NEO1: variants seen among roughly 807,000 people sequenced by gnomAD.
NEO1 encodes neogenin.
Under a neutral mutation model 159.7 loss-of-function variants are expected in NEO1, and 63 were observed. The ratio of observed to expected loss-of-function variants is 0.39; its 90% CI spans 0.32 to 0.49. NEO1 has a LOEUF of 0.49. Ranked by LOEUF, NEO1 falls within the 20% of genes least tolerant of loss-of-function variation. The probability of loss-of-function intolerance (pLI) is 0.85; values close to 1 mark genes in which losing one functional copy is unlikely to be tolerated. For synonymous variants in NEO1, 633 were observed against 662.0 expected (o/e 0.96, Z 0.67); for missense variants, 1,615 against 1,831.0 (o/e 0.88, Z 2.15).
chr15:73,097,580 G>A (rs912106237), intron 1 of NEO1, among the ~76,000 whole-genome samples: 16 of 151,580 alleles, frequency 1.1e-4, no homozygotes, highest in African/African-American at 3.2e-4. Flanking sequence ...AGGCTGGTCC[G>A]GAACTCCTGA....
intron 8 of NEO1, 43 bp downstream of exon 8, chr15:73,236,549 C>A: frequency 6.4e-7 from 1 of 1,572,928 alleles, no homozygotes; most frequent in South Asian, 1.1e-5. Flanking sequence ...GCCTCTTGGT[C>A]ACGGCAGCCT....
At chr15:73,242,240 A>C (rs543218884) in intron 8 of NEO1, among the ~76,000 whole-genome samples, 3 of 152,334 alleles carry the variant, frequency 2.0e-5, no homozygotes, top group African/African-American at 7.2e-5. Flanking sequence ...CCCAGAACTT[A>C]ACCACTAGTA....
chr15:73,149,063 T>C (rs1049751152), intron 5 of NEO1, among the ~76,000 whole-genome samples: 9 of 152,102 alleles, frequency 5.9e-5, no homozygotes, highest in Non-Finnish European at 1.2e-4. Flanking sequence ...ATGCCTGTAA[T>C]CTCAGCACTT....
At chr15:73,109,260 A>G (rs1028385008) in intron 1 of NEO1, among the ~76,000 whole-genome samples, 26 of 152,198 alleles carry the variant, frequency 1.7e-4, no homozygotes, top group African/African-American at 6.0e-4. Context: ...CTATTTATTG[A>G]GGACGTGTTA....
chr15:73,112,016 T>G (rs2071022825), intron 1 of NEO1, among the ~76,000 whole-genome samples: 1 of 152,138 alleles, frequency 6.6e-6, no homozygotes, highest in Admixed American at 6.6e-5. Context: ...ATTTTTATCT[T>G]TCCTCTACTC....
chr15:73,242,332 T>C (rs2039531778), intron 8 of NEO1, among the ~76,000 whole-genome samples: 1 of 152,164 alleles, frequency 6.6e-6, no homozygotes, highest in African/African-American at 2.4e-5. Context: ...TTATATACGG[T>C]ATTCTTGCAG....
intron 1 of NEO1, among the ~76,000 whole-genome samples, chr15:73,108,174 T>A (rs1466455620): frequency 6.6e-6 from 1 of 152,218 alleles, no homozygotes; most frequent in East Asian, 1.9e-4. Flanking sequence ...AAATATGAGC[T>A]AAATATTGCT....
In NEO1 at chr15:73,186,586, CT is replaced by C. The variant is rs58368427; in HGVS notation, c.1291+8168del. Among the ~76,000 whole-genome samples, 1,299 of 150,632 alleles carry C rather than the reference CT, an allele frequency of 8.6e-3. 22 individuals carry two copies. Among genetic ancestry groups the C allele is most frequent in the African/African-American group, 0.03 (1,227 of 41,042 alleles). On this transcript the variant is annotated intron_variant, in intron 7 of 28. Coordinates refer to ENST00000261908, the MANE Select transcript of NEO1 (RefSeq NM_002499.4). ...GACAGGCCCACAAAATTTTTTTCTT[CT>C]TTTTTTTTCACTCTAAATAGTTTAT... is the stretch of plus-strand genomic sequence containing the variant.
chr15:73,233,767 C>T (rs184788991), intron 7 of NEO1, among the ~76,000 whole-genome samples: 1 of 152,240 alleles, frequency 6.6e-6, no homozygotes, highest in East Asian at 1.9e-4. Context: ...TGCATTCCCT[C>T]CCCAGCTGCT....
At chr15:73,181,017 C>T (rs2035577335) in intron 7 of NEO1, among the ~76,000 whole-genome samples, 1 of 152,036 alleles carries the variant, frequency 6.6e-6, no homozygotes, top group Non-Finnish European at 1.5e-5. Context: ...GAATACCAGT[C>T]CAGATGCATA....
chr15:73,142,785 A>G (rs1244648316), intron 5 of NEO1, among the ~76,000 whole-genome samples: 2 of 152,346 alleles, frequency 1.3e-5, no homozygotes, highest in East Asian at 3.9e-4. Flanking sequence ...CGCAACAGCA[A>G]GAATGTTTAG....
At chr15:73,112,507 G>T (rs2071058887) in intron 1 of NEO1, among the ~76,000 whole-genome samples, 1 of 152,012 alleles carries the variant, frequency 6.6e-6, no homozygotes, top group Non-Finnish European at 1.5e-5. Context: ...TTAAAAGGCT[G>T]CCTAACTCCA....
chr15:73,261,627 A>G (rs1399815363), intron 15 of NEO1, among the ~76,000 whole-genome samples: 1 of 152,194 alleles, frequency 6.6e-6, no homozygotes, highest in Non-Finnish European at 1.5e-5. Context: ...TGTGTGTAAT[A>G]TCTGTGCACT....
Position 73,067,472 on chromosome 15 carries a change from C to CA in NEO1, c.130+14668dup, listed in dbSNP as rs1289756687. On this transcript the variant is annotated intron_variant, in intron 1 of 28. Transcript: ENST00000261908. The stretch of plus-strand genomic sequence containing the variant: ...TCTTTCTTTTTTTTTTTTTTTGAGA[C>CA]AGAGTCTCGCTGTGTTGCCCAGGCT... 2.3e-3 allele frequency among the ~76,000 whole-genome samples: 335 copies of CA among 147,592 alleles called. 1 individual carries two copies. Among genetic ancestry groups the CA allele is most frequent in the African/African-American group, 8.0e-3 (319 of 39,876 alleles).
chr15:73,096,308 G>A (rs1032026234), intron 1 of NEO1, among the ~76,000 whole-genome samples: 29 of 152,276 alleles, frequency 1.9e-4, no homozygotes, highest in African/African-American at 7.0e-4. Context: ...GCCCAGATCA[G>A]CTGCAGACAA....
chr15:73,129,638 A>C (rs2151706165), intron 4 of NEO1, among the ~76,000 whole-genome samples: 1 of 152,320 alleles, frequency 6.6e-6, no homozygotes, highest in East Asian at 1.9e-4. Flanking sequence ...AATCTGGAAA[A>C]TATAAATGCT....
intron 7 of NEO1, among the ~76,000 whole-genome samples, chr15:73,197,535 C>A (rs1451939297): frequency 1.3e-5 from 2 of 152,050 alleles, no homozygotes; most frequent in East Asian, 1.9e-4. Context: ...TTATGAGATA[C>A]AACCTGATTG....
chr15:73,134,916 A>G (rs1459226994), intron 4 of NEO1, among the ~76,000 whole-genome samples: 3 of 152,218 alleles, frequency 2.0e-5, no homozygotes, highest in Non-Finnish European at 2.9e-5. Flanking sequence ...GATTTGGAAG[A>G]AAAGTCCAGC....
chr15:73,265,162 CAA>C (rs954465809), intron 15 of NEO1, among the ~76,000 whole-genome samples: 2 of 152,044 alleles, frequency 1.3e-5, no homozygotes, highest in Admixed American at 6.6e-5. Flanking sequence ...GAGAACTAGG[CAA>C]AGAGTGGTGG....
Sources: allele counts gnomAD v4.1 joint callset (sites outside exome capture counted in the v4.1 genomes callset), GRCh38; gene constraint gnomAD v4.1.1; transcripts MANE v1.5; gene names NCBI Gene and HGNC (gene_info 2026-07-23, HGNC 2026-07-21).